SPINK6: variants seen among roughly 807,000 people sequenced by gnomAD.
SPINK6 encodes serine protease inhibitor Kazal-type 6.
In SPINK6, 13 loss-of-function variants were observed where a neutral mutation model predicts 11.7. The ratio of observed to expected loss-of-function variants is 1.11; its 90% CI spans 0.72 to 1.76. The LOEUF is 1.76. SPINK6 is among the 40% of genes most tolerant of loss of function. The pLI is 0.00. For synonymous variants in SPINK6, 21 were observed against 31.9 expected (o/e 0.66, Z 1.15); for missense variants, 98 against 93.7 (o/e 1.05, Z -0.19).
intron 2 of SPINK6, among the ~76,000 whole-genome samples, chr5:148,206,311 A>T (rs1322201272): frequency 6.6e-6 from 1 of 152,196 alleles, no homozygotes; most frequent in African/African-American, 2.4e-5. Context: ...GATAAAATTC[A>T]TGCTCTATCA....
intron 2 of SPINK6, among the ~76,000 whole-genome samples, chr5:148,206,386 T>C (rs570037803): frequency 1.3e-5 from 2 of 151,924 alleles, no homozygotes; most frequent in East Asian, 2.0e-4. Flanking sequence ...TCCACAACTA[T>C]AGAAAAGGGA....
intron 2 of SPINK6, among the ~76,000 whole-genome samples, chr5:148,210,070 AT>A (rs1755563056): frequency 1.9e-5 from 2 of 103,874 alleles, no homozygotes. Context: ...ATATGTATGT[AT>A]GCATATATGT....
chr5:148,211,129 C>G (rs1278345130), intron 2 of SPINK6, among the ~76,000 whole-genome samples: 1 of 146,964 alleles, frequency 6.8e-6, no homozygotes, highest in East Asian at 2.0e-4. Context: ...TGCACCTTCT[C>G]CAACCCCTGG....
intron 2 of SPINK6, among the ~76,000 whole-genome samples, 188 bp from the exon 3 acceptor site, chr5:148,213,722 A>G (rs958889788): frequency 6.6e-5 from 10 of 152,284 alleles, no homozygotes; most frequent in African/African-American, 2.4e-4. Context: ...TCTCAAGTAT[A>G]TTTAATGTAT....
intron 2 of SPINK6, among the ~76,000 whole-genome samples, chr5:148,209,997 C>CGTACGTAT (rs1489201046): frequency 0.13 from 19,275 of 144,784 alleles, 5,413 homozygotes; most frequent in East Asian, 0.25. Context: ...TACATATACA[C>CGTACGTAT]GTATGTATAC....
At chr5:148,211,776 C>T (rs1168199662) in intron 2 of SPINK6, among the ~76,000 whole-genome samples, 1 of 152,144 alleles carries the variant, frequency 6.6e-6, no homozygotes, top group African/African-American at 2.4e-5. Flanking sequence ...GATTGATTTG[C>T]TTTCATTTAT....
chr5:148,208,862 A>G (rs1298701212), intron 2 of SPINK6, among the ~76,000 whole-genome samples: 1 of 152,172 alleles, frequency 6.6e-6, no homozygotes, highest in Non-Finnish European at 1.5e-5. Flanking sequence ...TGAATCACTT[A>G]CTGCATTGCC....
intron 2 of SPINK6, among the ~76,000 whole-genome samples, chr5:148,209,294 A>G (rs1344067551): frequency 6.7e-6 from 1 of 149,478 alleles, no homozygotes; most frequent in Admixed American, 6.8e-5. Flanking sequence ...GTAAAGCTGC[A>G]AAGTCAACAC....
intron 1 of SPINK6, among the ~76,000 whole-genome samples, chr5:148,203,998 T>C (rs997123759): frequency 5.9e-5 from 9 of 152,264 alleles, no homozygotes; most frequent in African/African-American, 1.9e-4. Context: ...AGAAATAACA[T>C]AATTTTCTGA....
At chr5:148,203,378 G>C (rs1417144780) in intron 1 of SPINK6, among the ~76,000 whole-genome samples, 2 of 152,006 alleles carry the variant, frequency 1.3e-5, no homozygotes, top group African/African-American at 4.8e-5. Flanking sequence ...ATGTACGAAG[G>C]GATTTTATGT....
chr5:148,210,104 G>A (rs1298906722), intron 2 of SPINK6, among the ~76,000 whole-genome samples: 1 of 140,450 alleles, frequency 7.1e-6, no homozygotes, highest in African/African-American at 2.5e-5. Flanking sequence ...ATGTATGTAT[G>A]CACATATGTA....
intron 1 of SPINK6, 37 bp from the exon 2 acceptor site, chr5:148,205,999 T>C (rs1194418093): frequency 1.9e-6 from 3 of 1,612,222 alleles, no homozygotes; most frequent in South Asian, 1.1e-5. Context: ...TGTACATCAA[T>C]GAATTACAGT....
chr5:148,212,910 TA>T (rs202180530), intron 2 of SPINK6, among the ~76,000 whole-genome samples: 210 of 145,368 alleles, frequency 1.4e-3, no homozygotes, highest in Middle Eastern at 3.8e-3. Context: ...GCTTTAGAGA[TA>T]AGAGTATATA....
rs910196213 is a variant in SPINK6, at chr5:148,213,997, A to G, written c.169A>G (p.Asn57Asp). ...HCGSDGQTYG[N>D]KCAFCKAIVK... ...TGGCTCTGATGGCCAGACATATGGC[A>G]ATAAATGTGCCTTCTGTAAGGCCAT... is the stretch of plus-strand genomic sequence containing the variant. The change falls in exon 3 of 4, where the codon AAT becomes GAT. Residue 57 changes from asparagine (N) to aspartate (D), a missense_variant. Asn to Asp is a conservative substitution (Grantham distance 23). Transcript: ENST00000325630. 9 of 1,612,780 alleles carry G rather than the reference A, an allele frequency of 5.6e-6. No individual in the cohort carries two copies. Among genetic ancestry groups the G allele is most frequent in the Middle Eastern group, 1.7e-4 (1 of 6,060 alleles).
At chr5:148,210,746 T>A (rs1051273769) in intron 2 of SPINK6, among the ~76,000 whole-genome samples, 5 of 152,084 alleles carry the variant, frequency 3.3e-5, no homozygotes, top group African/African-American at 1.2e-4. Context: ...TCAAAAAGGT[T>A]GGAGTGATCA....
In SPINK6 at chr5:148,210,352, A is replaced by G. The variant is rs201625524; in HGVS notation, c.82-3558A>G. ...TGCATACATATATATGTGTTTCTGC[A>G]TACATATATATGTATGTGTTTCTGC... is the stretch of plus-strand genomic sequence containing the variant. On this transcript the variant is annotated intron_variant, in intron 2 of 3. Coordinates refer to ENST00000325630, the MANE Select transcript of SPINK6 (RefSeq NM_205841.4). Among the ~76,000 whole-genome samples, 372 of 131,238 alleles carry G rather than the reference A, an allele frequency of 2.8e-3. 85 individuals are homozygous for G. In the East Asian group the frequency reaches 0.093, roughly 33 times the overall value. 86.1% of individuals were successfully genotyped at this position (131,238 alleles called of 152,430 possible). A position where few individuals can be genotyped will look rare whatever the true frequency, so the allele number is the denominator to read the frequency against.
chr5:148,212,537 T>TATATA (rs377611028), intron 2 of SPINK6, among the ~76,000 whole-genome samples: 26 of 69,074 alleles, frequency 3.8e-4, no homozygotes, highest in East Asian at 1.1e-3. Flanking sequence ...ATATTTTATA[T>TATATA]AAGTATATAT....
At chr5:148,212,585 A>ATATATT (rs1755619012) in intron 2 of SPINK6, among the ~76,000 whole-genome samples, 1 of 99,232 alleles carries the variant, frequency 1.0e-5, no homozygotes, top group African/African-American at 4.5e-5. Flanking sequence ...TATTATATAA[A>ATATATT]TATATTTTAT....
intron 3 of SPINK6, 109 bp from the exon 4 acceptor site, chr5:148,214,796 T>C (rs1561734629): frequency 2.4e-6 from 2 of 819,864 alleles, no homozygotes. Context: ...ATGGAATTTA[T>C]AGAATCAAAT....
Sources: gnomAD v4.1 joint callset for allele counts (sites outside exome capture counted in the v4.1 genomes callset) on GRCh38, gnomAD v4.1.1 for gene constraint, MANE v1.5 for transcripts, NCBI Gene and HGNC (gene_info 2026-07-23, HGNC 2026-07-21) for gene names.